Variants in SERGEF observed in about 807,000 individuals in gnomAD.
SERGEF encodes the protein secretion-regulating guanine nucleotide exchange factor.
In SERGEF, 51 loss-of-function variants were observed where a neutral mutation model predicts 50.0. The observed-to-expected ratio is 1.02, with a 90% CI of 0.81 to 1.29. SERGEF has a LOEUF of 1.29. SERGEF is among the 50% of genes most tolerant of loss of function. SERGEF has a pLI of 0.00. For synonymous variants in SERGEF, 205 were observed against 212.4 expected (o/e 0.97, Z 0.30); for missense variants, 521 against 557.0 (o/e 0.94, Z 0.65).
intron 10 of SERGEF, among the ~76,000 whole-genome samples, chr11:17,788,655 C>G (rs909292086): frequency 6.6e-6 from 1 of 152,156 alleles, no homozygotes; most frequent in Non-Finnish European, 1.5e-5. Context: ...ATGTTCCAAG[C>G]GTGGCTTTCC....
chr11:17,900,055 C>T (rs778203658), intron 9 of SERGEF, among the ~76,000 whole-genome samples: 1 of 152,104 alleles, frequency 6.6e-6, no homozygotes, highest in Non-Finnish European at 1.5e-5. Context: ...ATATCCCTAC[C>T]TTCTAGGAGT....
At chr11:17,834,069 G>C (rs928868989) in intron 10 of SERGEF, among the ~76,000 whole-genome samples, 1 of 152,112 alleles carries the variant, frequency 6.6e-6, no homozygotes, top group Admixed American at 6.5e-5. Context: ...AAATGATATG[G>C]TTTAGCTCCG....
intron 1 of SERGEF, among the ~76,000 whole-genome samples, chr11:18,009,073 C>T (rs1473936960): frequency 6.6e-6 from 1 of 152,070 alleles, no homozygotes; most frequent in Non-Finnish European, 1.5e-5. Flanking sequence ...TTCTTCCCTC[C>T]TCAAATCCCT....
intron 8 of SERGEF, among the ~76,000 whole-genome samples, chr11:17,982,866 C>T (rs1301166759): frequency 2.0e-5 from 3 of 152,094 alleles, no homozygotes; most frequent in Non-Finnish European, 4.4e-5. Flanking sequence ...AAGGATATAA[C>T]CACAAATCAA....
intron 10 of SERGEF, among the ~76,000 whole-genome samples, chr11:17,810,551 A>G (rs1181123200): frequency 2.6e-5 from 4 of 152,250 alleles, no homozygotes; most frequent in Non-Finnish European, 4.4e-5. Flanking sequence ...AGAAGACAGA[A>G]TAAGGGCTAT....
At chr11:18,009,596 G>C (rs986559906) in intron 1 of SERGEF, among the ~76,000 whole-genome samples, 1 of 152,180 alleles carries the variant, frequency 6.6e-6, no homozygotes, top group Non-Finnish European at 1.5e-5. Context: ...TATTTCATTT[G>C]TACAGTGAAA....
intron 5 of SERGEF, among the ~76,000 whole-genome samples, chr11:17,996,155 T>C (rs1452335269): frequency 6.6e-6 from 1 of 152,168 alleles, no homozygotes; most frequent in African/African-American, 2.4e-5. Context: ...CATAACTTCC[T>C]ACAAAAAGTT....
At chr11:17,979,924 G>A (rs1205963424) in intron 8 of SERGEF, among the ~76,000 whole-genome samples, 2 of 152,118 alleles carry the variant, frequency 1.3e-5, no homozygotes, top group South Asian at 2.1e-4. Context: ...TGGGAAAGGG[G>A]AAAGTAATCA....
intron 9 of SERGEF, among the ~76,000 whole-genome samples, chr11:17,918,543 G>A (rs758168296): frequency 2.0e-5 from 3 of 151,838 alleles, no homozygotes; most frequent in African/African-American, 4.8e-5. Flanking sequence ...CTATGGAAAA[G>A]GTGCTGTGCC....
At chr11:18,006,917 A>T (rs1165279761) in intron 2 of SERGEF, among the ~76,000 whole-genome samples, 171 bp from the exon 3 acceptor site, 1 of 152,272 alleles carries the variant, frequency 6.6e-6, no homozygotes, top group African/African-American at 2.4e-5. Context: ...ACACAAGGCC[A>T]AGGGCCTCAA....
intron 9 of SERGEF, among the ~76,000 whole-genome samples, chr11:17,917,618 C>T (rs1852073666): frequency 6.6e-6 from 1 of 152,164 alleles, no homozygotes; most frequent in Admixed American, 6.5e-5. Context: ...AGCTCCACTC[C>T]AGACTTACTG....
At chr11:17,968,111 TG>T (rs1853165164) in intron 8 of SERGEF, among the ~76,000 whole-genome samples, 1 of 152,214 alleles carries the variant, frequency 6.6e-6, no homozygotes, top group Non-Finnish European at 1.5e-5. Context: ...TGAAGAACAA[TG>T]ATCTTTTCTT....
chr11:17,990,859 C>T (rs1347578010), intron 7 of SERGEF, among the ~76,000 whole-genome samples: 3 of 151,086 alleles, frequency 2.0e-5, no homozygotes, highest in South Asian at 4.2e-4. Flanking sequence ...CTCCGTCACC[C>T]GGGTTCATGC....
chr11:17,975,631 C>G (rs573705915), intron 8 of SERGEF, among the ~76,000 whole-genome samples: 2 of 152,106 alleles, frequency 1.3e-5, no homozygotes, highest in Admixed American at 1.3e-4. Context: ...TCAGCCACAG[C>G]GATGAGTAGA....
chr11:17,982,747 A>G (rs1853518099), intron 8 of SERGEF, among the ~76,000 whole-genome samples: 2 of 152,220 alleles, frequency 1.3e-5, no homozygotes, highest in Admixed American at 6.5e-5. Context: ...ATGCAATAAA[A>G]TATTTCTTGG....
At chr11:17,881,179 G>T (rs1851326587) in intron 9 of SERGEF, among the ~76,000 whole-genome samples, 1 of 152,154 alleles carries the variant, frequency 6.6e-6, no homozygotes, top group South Asian at 2.1e-4. Flanking sequence ...TGTTACTTTT[G>T]TTATTGTTTT....
chr11:17,861,693 G>A (rs1367662119), intron 10 of SERGEF, among the ~76,000 whole-genome samples: 1 of 152,260 alleles, frequency 6.6e-6, no homozygotes, highest in South Asian at 2.1e-4. Context: ...TGTTTGGCTT[G>A]GTTGTCATGG....
intron 9 of SERGEF, among the ~76,000 whole-genome samples, chr11:17,959,044 T>A (rs1454751571): frequency 6.6e-6 from 1 of 152,112 alleles, no homozygotes; most frequent in Non-Finnish European, 1.5e-5. Context: ...AATTTTTGTA[T>A]TTTTAGTAGA....
At chr11:17,842,284 A>G (rs1850517032) in intron 10 of SERGEF, among the ~76,000 whole-genome samples, 1 of 152,152 alleles carries the variant, frequency 6.6e-6, no homozygotes, top group Non-Finnish European at 1.5e-5. Context: ...GTCCCTTTCT[A>G]ATAGTATTTC....
Sources: allele counts gnomAD v4.1 joint callset (sites outside exome capture counted in the v4.1 genomes callset), GRCh38; gene constraint gnomAD v4.1.1; transcripts MANE v1.5; gene names NCBI Gene and HGNC (gene_info 2026-07-23, HGNC 2026-07-21).